The following PDE1C variants were observed in gnomAD, a reference collection of about 807,000 sequenced individuals.
PDE1C encodes phosphodiesterase 1C.
A neutral mutation model predicts 93.1 loss-of-function variants in PDE1C; 62 were observed. The ratio of observed to expected loss-of-function variants is 0.67; its 90% confidence interval spans 0.54 to 0.82. The LOEUF is 0.82. Ranked by LOEUF, PDE1C falls within the 40% of genes least tolerant of loss-of-function variation. The pLI, the probability that PDE1C is intolerant of heterozygous loss-of-function variation, is 0.00. For missense variants in PDE1C, 742 were observed against 884.6 expected (o/e 0.84, Z 2.04); for synonymous variants, 325 against 310.1 (o/e 1.05, Z -0.50).
the PDE1C span, among the ~76,000 whole-genome samples, chr7:31,717,500 C>T: frequency 1.3e-5 from 2 of 152,122 alleles, no homozygotes; most frequent in Non-Finnish European, 2.9e-5. Context: ...GGGAAGATTG[C>T]ATCTCATCAG....
rs140672358 is a variant in PDE1C at position 32,383,391 on chromosome 7, G to A, written c.310+44431C>T. Among the ~76,000 whole-genome samples the A allele has an allele frequency of 1.6e-3, 242 of 152,292 alleles. 3 individuals carry two copies. Among genetic ancestry groups the A allele is most frequent in the African/African-American group, 5.7e-3 (235 of 41,554 alleles). On this transcript the variant is annotated intron_variant, in intron 1 of 1. Coordinates refer to the PDE1C transcript ENST00000672256. Reference sequence around the variant, plus strand: ...TGCTATTTAATTGCTGTGTGACTTTGGGTAAGTCACTCTGTTTCTCTGAGC... The same window carrying A: ...TGCTATTTAATTGCTGTGTGACTTTAGGTAAGTCACTCTGTTTCTCTGAGC...
chr7:31,952,740 G>A (rs1251662564), intron 2 of PDE1C, among the ~76,000 whole-genome samples: 1 of 152,122 alleles, frequency 6.6e-6, no homozygotes, highest in African/African-American at 2.4e-5. Flanking sequence ...CACAAAAATA[G>A]AAATGAGATG....
intron 1 of PDE1C, among the ~76,000 whole-genome samples, chr7:32,375,865 T>G (rs895686057): frequency 6.6e-6 from 1 of 152,186 alleles, no homozygotes. Flanking sequence ...CCTTAAAATA[T>G]TCACAACCAG....
At chr7:32,058,940 C>T (rs1052361905) in intron 1 of PDE1C, among the ~76,000 whole-genome samples, 3 of 149,704 alleles carry the variant, frequency 2.0e-5, no homozygotes, top group African/African-American at 7.4e-5. Context: ...AGCAAGACAA[C>T]AACAACAACA....
chr7:32,383,302 T>G (rs563674172), intron 1 of PDE1C, among the ~76,000 whole-genome samples: 1 of 152,274 alleles, frequency 6.6e-6, no homozygotes, highest in South Asian at 2.1e-4. Context: ...GTATACAAGG[T>G]AGAAAAGCCC....
intron 2 of PDE1C, among the ~76,000 whole-genome samples, chr7:31,960,879 C>T (rs1228289119): frequency 6.6e-6 from 1 of 152,122 alleles, no homozygotes; most frequent in Non-Finnish European, 1.5e-5. Flanking sequence ...TTCTCTTATT[C>T]TCTCCAGGAT....
chr7:31,691,797 T>TG, the PDE1C span, among the ~76,000 whole-genome samples: 1 of 86,558 alleles, frequency 1.2e-5, no homozygotes, highest in African/African-American at 4.4e-5. Context: ...ATGTAATGAT[T>TG]AAAAAAAAAA....
chr7:32,071,121 G>A (rs1056990029), upstream of PDE1C: 193 of 985,388 alleles, frequency 2.0e-4, no homozygotes, highest in Non-Finnish European at 2.2e-4. Flanking sequence ...GCTGGGCTCC[G>A]ACCCCGGCCG....
intron 1 of PDE1C, among the ~76,000 whole-genome samples, chr7:32,322,710 G>A (rs1011174379): frequency 1.8e-4 from 27 of 151,692 alleles, no homozygotes; most frequent in African/African-American, 5.1e-4. Flanking sequence ...TCCGCCTCCT[G>A]GGTTTAAGCA....
Position 32,219,065 on chromosome 7 carries a change from T to C in PDE1C, c.86-9526A>G, listed in dbSNP as rs114655880. 1.5e-3 allele frequency among the ~76,000 whole-genome samples: 229 copies of C among 152,352 alleles called. 1 individual carries two copies. The highest frequency in any genetic ancestry group is 5.3e-3 in the African/African-American group (220 of 41,596). On this transcript the variant is annotated intron_variant, in intron 1 of 18. Transcript: ENST00000396193. ...TTTATCAAGGTGTTTGGTGTTTCTGTGGAAATCATCAGGCCAAGCTACCAG... is the reference window on the plus strand; with the variant it reads ...TTTATCAAGGTGTTTGGTGTTTCTGCGGAAATCATCAGGCCAAGCTACCAG...
At chr7:31,720,169 CAAAAAAAAAAAA>C in the PDE1C span, among the ~76,000 whole-genome samples, 16 of 50,116 alleles carry the variant, frequency 3.2e-4, no homozygotes, top group Admixed American at 1.5e-3. Flanking sequence ...GACTCCGTCT[CAAAAAAAAAAAA>C]AAAAAAAAAA....
intron 2 of PDE1C, among the ~76,000 whole-genome samples, chr7:32,206,241 T>C (rs1467823573): frequency 6.6e-6 from 1 of 151,974 alleles, no homozygotes; most frequent in Non-Finnish European, 1.5e-5. Context: ...TGTATGCTGA[T>C]AATGGGACGG....
chr7:32,071,873 A>G (rs1277659690), upstream of PDE1C, among the ~76,000 whole-genome samples: 5 of 152,152 alleles, frequency 3.3e-5, no homozygotes, highest in Non-Finnish European at 7.4e-5. Flanking sequence ...AGCCACCACC[A>G]GGGGCTATTT....
Position 31,753,572 on chromosome 7 carries a change from A to C in PDE1C, c.1961-19T>G, listed in dbSNP as rs1255219165. 1.2e-6 allele frequency: 2 copies of C among 1,605,264 alleles called. No individual in the cohort carries two copies. On this transcript the variant is annotated intron_variant, in intron 17 of 17. Transcript: ENST00000396191. ...TTGATGACTGGCGGCCATGGAAAGG[A>C]AGACAGACAACGGTTAGCCTCACCC...
intron 2 of PDE1C, among the ~76,000 whole-genome samples, chr7:31,993,452 A>G (rs572684594): frequency 6.6e-6 from 1 of 152,326 alleles, no homozygotes; most frequent in East Asian, 1.9e-4. Flanking sequence ...GGAACAAGAA[A>G]GAGAGGCACA....
At chr7:31,765,143 C>G (rs577744486) in intron 17 of PDE1C, among the ~76,000 whole-genome samples, 15 of 152,202 alleles carry the variant, frequency 9.9e-5, no homozygotes, top group East Asian at 3.9e-4. Flanking sequence ...ATTTTTTGAG[C>G]CTTCTTTCCC....
chr7:32,109,100 C>T (rs568008760), intron 3 of PDE1C, among the ~76,000 whole-genome samples: 1 of 152,244 alleles, frequency 6.6e-6, no homozygotes, highest in African/African-American at 2.4e-5. Context: ...ACTGAGGGCC[C>T]ACCCTTCTCT....
intron 1 of PDE1C, among the ~76,000 whole-genome samples, chr7:32,307,414 C>T (rs1228018574): frequency 2.6e-5 from 4 of 152,194 alleles, no homozygotes; most frequent in African/African-American, 9.7e-5. Context: ...AAACACACAT[C>T]CCTTCCTCCC....
chr7:31,742,646 T>C, the PDE1C span, among the ~76,000 whole-genome samples: 1,085 of 152,316 alleles, frequency 7.1e-3, 10 homozygotes, highest in African/African-American at 0.024. Context: ...CAAAGATTAA[T>C]TCACGGAACC....
Sources: gnomAD v4.1 joint callset for allele counts (sites outside exome capture counted in the v4.1 genomes callset) on GRCh38, gnomAD v4.1.1 for gene constraint, MANE v1.5 for transcripts, NCBI Gene and HGNC (gene_info 2026-07-23, HGNC 2026-07-21) for gene names.